SND1: variants seen among roughly 807,000 people sequenced by gnomAD.
The protein encoded by SND1 is staphylococcal nuclease domain-containing protein 1.
SND1 carries 38 observed loss-of-function variants against 121.7 expected under a neutral mutation model. The ratio of observed to expected loss-of-function variants is 0.31; its 90% confidence interval spans 0.24 to 0.41. The LOEUF is 0.41. Ranked by LOEUF, SND1 falls within the 10% of genes least tolerant of loss-of-function variation. The probability of loss-of-function intolerance (pLI) is 1.00; values close to 1 mark genes in which losing one functional copy is unlikely to be tolerated. For synonymous variants in SND1, 401 were observed against 447.4 expected (o/e 0.90, Z 1.31); for missense variants, 868 against 1,184.6 (o/e 0.73, Z 3.92).
Position 128,052,980 on chromosome 7 carries a change from T to TA in SND1, c.1780-21517dup, listed in dbSNP as rs1367648871. 6.6e-6 allele frequency among the ~76,000 whole-genome samples: 1 copy of TA among 152,208 alleles called. No individual in the cohort carries two copies. The highest frequency in any genetic ancestry group is 1.5e-5 in the Non-Finnish European group (1 of 68,028). ...TATGATTATCTTAAACTGGTTGGTA[T>TA]AAAAATAGAGCATAAATCAAATGCA... is the stretch of plus-strand genomic sequence containing the variant. On this transcript the variant is annotated intron_variant, in intron 16 of 23. Transcript: ENST00000354725. This position sits in a 1 kb window ranked among gnomAD's most constrained non-coding sequence, Gnocchi z 4.6.
At chr7:128,028,534 A>G in intron 16 of SND1, 1 of 785,462 alleles carries the variant, frequency 1.3e-6, no homozygotes, top group Non-Finnish European at 1.9e-6. Flanking sequence ...TTGTCTTTAA[A>G]TTTTAATATA....
intron 15 of SND1, among the ~76,000 whole-genome samples, chr7:127,941,567 G>A (rs546956092): frequency 1.3e-5 from 2 of 152,108 alleles, no homozygotes; most frequent in South Asian, 4.2e-4. Flanking sequence ...ATTTTTCTAG[G>A]GTTAATTTGG....
rs568937897 is a variant in SND1 at position 127,858,001 on chromosome 7, C to G, written c.1343+13577C>G. On this transcript the variant is annotated intron_variant, in intron 12 of 23. Coordinates refer to ENST00000354725, the MANE Select transcript of SND1 (RefSeq NM_014390.4). ...GAAGGGCCCATGCAGCTCGGCATCC[C>G]CCGGGTTCTCCCACTTATATTCCCA... 12 of 1,455,736 alleles carry G rather than the reference C, an allele frequency of 8.2e-6. No homozygotes were observed. The East Asian group carries it at 2.0e-4, about 25-fold the overall frequency. The allele number at this position is 1,455,736 out of a possible 1,614,324, so 90.2% of individuals were successfully genotyped here.
chr7:128,020,367 C>T (rs1218731482), intron 16 of SND1, among the ~76,000 whole-genome samples: 1 of 152,216 alleles, frequency 6.6e-6, no homozygotes, highest in East Asian at 1.9e-4. Flanking sequence ...ATGGCGCCCC[C>T]TGGAGTTGTA....
At chr7:127,910,378 G>A (rs1313228808) in intron 14 of SND1, among the ~76,000 whole-genome samples, 1 of 152,146 alleles carries the variant, frequency 6.6e-6, no homozygotes, top group African/African-American at 2.4e-5. Flanking sequence ...CTGGGAGGCA[G>A]AGGTTGCAGT....
In SND1 at chr7:127,930,598, C is replaced by T. The variant is rs181460088; in HGVS notation, c.1669+1269C>T. On this transcript the variant is annotated intron_variant, in intron 15 of 23. Coordinates refer to ENST00000354725, the MANE Select transcript of SND1 (RefSeq NM_014390.4). The stretch of plus-strand genomic sequence containing the variant: ...TGTGACACCAAGCTCAGGGCAGCTA[C>T]GCAAAAGAAGAGATGCAAAAAAATT... 1.8e-3 allele frequency among the ~76,000 whole-genome samples: 277 copies of T among 152,148 alleles called. 2 individuals carry two copies. The highest frequency in any genetic ancestry group is 6.8e-3 in the Middle Eastern group (2 of 294).
chr7:127,767,885 A>G (rs999416026), intron 10 of SND1, among the ~76,000 whole-genome samples: 6 of 152,244 alleles, frequency 3.9e-5, no homozygotes, highest in Admixed American at 2.6e-4. Flanking sequence ...TTGCCCTCAA[A>G]CCCTGCAGTT....
intron 11 of SND1, among the ~76,000 whole-genome samples, chr7:127,838,044 A>G (rs564867911): frequency 2.0e-5 from 3 of 152,226 alleles, no homozygotes; most frequent in Admixed American, 6.5e-5. Flanking sequence ...GCTAATTCCA[A>G]TTGGCTATTT....
intron 10 of SND1, among the ~76,000 whole-genome samples, chr7:127,728,796 C>T (rs918508125): frequency 6.6e-6 from 1 of 152,174 alleles, no homozygotes; most frequent in Non-Finnish European, 1.5e-5. Context: ...TGTGAGTGGG[C>T]ATCATTTTTA....
At position 127,938,921 on chromosome 7, in the gene SND1, A is replaced by G. The variant is rs530542489; in HGVS notation, c.1669+9592A>G. On this transcript the variant is annotated intron_variant, in intron 15 of 23. Coordinates refer to ENST00000354725, the MANE Select transcript of SND1 (RefSeq NM_014390.4). The stretch of plus-strand genomic sequence containing the variant: ...TTTTATATTCAGTGGGCACAATGCT[A>G]GGAATACAGAAATGGATGATACAGT... Among the ~76,000 whole-genome samples the G allele has an allele frequency of 2.6e-5, 4 of 152,220 alleles. No individual in the cohort carries two copies. The South Asian group carries it at 6.2e-4, about 24-fold the overall frequency.
At chr7:128,063,889 C>T (rs1793270933) in intron 16 of SND1, among the ~76,000 whole-genome samples, 1 of 152,168 alleles carries the variant, frequency 6.6e-6, no homozygotes, top group Admixed American at 6.5e-5. Context: ...TGTGGCCTGA[C>T]TAAAGCAAAA....
chr7:127,723,028 C>T (rs534122731), intron 10 of SND1, among the ~76,000 whole-genome samples: 17 of 152,292 alleles, frequency 1.1e-4, no homozygotes, highest in African/African-American at 3.6e-4. Context: ...ATTAAGGTTC[C>T]CACAGCAACC....
chr7:127,776,176 C>T (rs1002419351), intron 10 of SND1, among the ~76,000 whole-genome samples: 2 of 152,142 alleles, frequency 1.3e-5, no homozygotes, highest in African/African-American at 4.8e-5. Context: ...AGGCTTTCAT[C>T]TAGCAGTTTT....
intron 18 of SND1, chr7:128,081,908 C>T (rs370990046): frequency 5.6e-6 from 3 of 536,666 alleles, no homozygotes; most frequent in African/African-American, 1.9e-5. Flanking sequence ...AGCCCGTTTC[C>T]CTCTGGGGGA....
At chr7:128,065,507 C>T (rs1793298279) in intron 16 of SND1, among the ~76,000 whole-genome samples, 1 of 152,198 alleles carries the variant, frequency 6.6e-6, no homozygotes, top group Admixed American at 6.5e-5. Flanking sequence ...GTGAACTTGA[C>T]CTGATTGGAC....
At chr7:127,928,569 C>A (rs1318513974) in intron 14 of SND1, among the ~76,000 whole-genome samples, 1 of 147,218 alleles carries the variant, frequency 6.8e-6, no homozygotes, top group African/African-American at 2.5e-5. Context: ...GGTCTTCTTA[C>A]CTCAACTTTT....
chr7:127,847,751 C>T (rs1046018923), intron 12 of SND1, among the ~76,000 whole-genome samples: 3 of 152,212 alleles, frequency 2.0e-5, no homozygotes, highest in Admixed American at 6.5e-5. Context: ...GCCCGAAGTG[C>T]GTAGATGCCA....
intron 16 of SND1, among the ~76,000 whole-genome samples, chr7:128,044,139 A>G (rs1218949907): frequency 3.9e-5 from 6 of 152,224 alleles, no homozygotes; most frequent in Admixed American, 3.9e-4. Flanking sequence ...AGAAAACGCA[A>G]CAAAATGTTT....
intron 17 of SND1, 31 bp from the exon 18 acceptor site, chr7:128,081,329 C>T: frequency 6.2e-7 from 1 of 1,613,212 alleles, no homozygotes; most frequent in East Asian, 2.2e-5. Context: ...CTTCCTCGCC[C>T]TCTTCTCACC....
Sources: gnomAD v4.1 joint callset for allele counts (sites outside exome capture counted in the v4.1 genomes callset) on GRCh38, gnomAD v4.1.1 for gene constraint, Gnocchi (gnomAD v3.1) non-coding constraint, MANE v1.5 for transcripts, NCBI Gene and HGNC (gene_info 2026-07-23, HGNC 2026-07-21) for gene names.